WWP2: variants seen among roughly 807,000 people sequenced by gnomAD.
WWP2 encodes NEDD4-like E3 ubiquitin-protein ligase WWP2.
A neutral mutation model predicts 121.0 loss-of-function variants in WWP2; 57 were observed. The ratio of observed to expected loss-of-function variants is 0.47; its 90% CI spans 0.38 to 0.59. The LOEUF (loss-of-function observed/expected upper bound fraction) is 0.59. Ranked by LOEUF, WWP2 falls within the 20% of genes least tolerant of loss-of-function variation. The pLI, the probability that WWP2 is intolerant of heterozygous loss-of-function variation, is 0.00. For synonymous variants in WWP2, 449 were observed against 441.3 expected (o/e 1.02, Z -0.22); for missense variants, 962 against 1,158.9 (o/e 0.83, Z 2.47).
chr16:69,798,893 G>A, intron 3 of WWP2, 64 bp downstream of exon 3: 1 of 1,589,398 alleles, frequency 6.3e-7, no homozygotes, highest in Non-Finnish European at 8.6e-7. Context: ...TGCTCCGAGG[G>A]GGTTGTGGGA....
At position 69,925,353 on chromosome 16, in the gene WWP2, A is replaced by AT; in HGVS notation, c.1180-71dup. Reference sequence around the variant, plus strand: ...GTGGAAGCCAGTCATTGGCATTTTTATTTTTTATTGATTGATTGATTTTTT... The same window carrying AT: ...GTGGAAGCCAGTCATTGGCATTTTTATTTTTTTATTGATTGATTGATTTTTT... On this transcript the variant is annotated intron_variant, in intron 10 of 23. Coordinates refer to ENST00000359154, the MANE Select transcript of WWP2 (RefSeq NM_001270454.2). The surrounding 1 kb of genome is among the most constrained non-coding windows in gnomAD (Gnocchi z 4.0). The AT allele has an allele frequency of 6.3e-7, 1 of 1,583,774 alleles. No homozygotes were observed.
At chr16:69,823,625 A>C (rs1289621538) in intron 4 of WWP2, among the ~76,000 whole-genome samples, 1 of 151,640 alleles carries the variant, frequency 6.6e-6, no homozygotes, top group East Asian at 1.9e-4. Context: ...GTACCACCAC[A>C]CCTAGCTAAT....
In WWP2 at chr16:69,766,905, C is replaced by T. The variant is rs565635024; in HGVS notation, c.-16+4514C>T. Among the ~76,000 whole-genome samples the T allele has an allele frequency of 2.6e-5, 4 of 152,264 alleles. No homozygotes were observed. The South Asian group carries it at 6.2e-4, about 24-fold the overall frequency. On this transcript the variant is annotated intron_variant, in intron 1 of 23. Coordinates refer to ENST00000359154, the MANE Select transcript of WWP2 (RefSeq NM_001270454.2). ...AGTAGCTGGGATTACAGGCATCTGC[C>T]ACTATGTCCAACTAATTTTTGTATT...
intron 5 of WWP2, 113 bp from the exon 6 acceptor site, chr16:69,841,911 G>C: frequency 3.0e-6 from 3 of 988,444 alleles, no homozygotes; most frequent in Non-Finnish European, 4.6e-6. Flanking sequence ...CATATCCCGT[G>C]GTGGTGGGCA....
chr16:69,858,850 G>C (rs1003887529), intron 6 of WWP2, among the ~76,000 whole-genome samples: 2 of 152,092 alleles, frequency 1.3e-5, no homozygotes, highest in African/African-American at 2.4e-5. Flanking sequence ...AGTGATTATT[G>C]AATCTTAGGA....
At chr16:69,932,099 GCAGGTGGATCA>G (rs1213339642) in intron 16 of WWP2, among the ~76,000 whole-genome samples, 1 of 152,264 alleles carries the variant, frequency 6.6e-6, no homozygotes, top group African/African-American at 2.4e-5. Context: ...GGAGGCTGAG[GCAGGTGGATCA>G]CCTGAGGTCG....
chr16:69,793,205 T>C (rs1331512981), intron 2 of WWP2, among the ~76,000 whole-genome samples: 2 of 151,866 alleles, frequency 1.3e-5, no homozygotes, highest in African/African-American at 4.8e-5. Context: ...ACAAAAAAAT[T>C]AGCTGGGTGT....
At chr16:69,861,956 TC>T (rs1489940856) in intron 6 of WWP2, among the ~76,000 whole-genome samples, 3 of 152,206 alleles carry the variant, frequency 2.0e-5, no homozygotes, top group African/African-American at 7.2e-5. Context: ...GTTCTAGTAA[TC>T]CTAGGCAAAT....
intron 2 of WWP2, among the ~76,000 whole-genome samples, chr16:69,798,291 C>A (rs369726866): frequency 6.6e-6 from 1 of 152,170 alleles, no homozygotes; most frequent in South Asian, 2.1e-4. Context: ...GCAGTCTATT[C>A]GACAATGAAA....
intron 7 of WWP2, among the ~76,000 whole-genome samples, chr16:69,885,048 A>G (rs1446714052): frequency 6.6e-6 from 1 of 150,828 alleles, no homozygotes; most frequent in Non-Finnish European, 1.5e-5. Context: ...AGTATGTTTT[A>G]ATACTTTAGA....
At chr16:69,811,586 A>G (rs1027895167) in intron 4 of WWP2, among the ~76,000 whole-genome samples, 2 of 151,900 alleles carry the variant, frequency 1.3e-5, no homozygotes, top group African/African-American at 4.8e-5. Context: ...AGTCTCTACA[A>G]AAATAAAAAT....
chr16:69,883,276 G>A (rs564277691), intron 7 of WWP2, among the ~76,000 whole-genome samples: 35 of 152,280 alleles, frequency 2.3e-4, no homozygotes, highest in Admixed American at 1.0e-3. Flanking sequence ...CCCTGTCCCT[G>A]GTTGACCAGG....
At chr16:69,817,179 A>AT (rs2056509917) in intron 4 of WWP2, among the ~76,000 whole-genome samples, 1 of 151,846 alleles carries the variant, frequency 6.6e-6, no homozygotes, top group African/African-American at 2.4e-5. Flanking sequence ...TTGTAACTTG[A>AT]TTTTTTCACC....
intron 6 of WWP2, among the ~76,000 whole-genome samples, chr16:69,867,678 C>G (rs754863606): frequency 4.6e-5 from 7 of 152,142 alleles, no homozygotes. Context: ...TGAGAGAGGA[C>G]CTTGAGTGAG....
chr16:69,799,422 G>C lies in WWP2; in HGVS notation c.340+127G>C. On this transcript the variant is annotated intron_variant, in intron 4 of 23. Transcript: ENST00000359154. The surrounding 1 kb of genome is among the most constrained non-coding windows in gnomAD (Gnocchi z 4.5). ...AGTACCTCTGTTCTCCTTGGATGCT[G>C]TCTTTGGAGTTTTGGGAAGGCTGAG... The C allele has an allele frequency of 7.4e-7, 1 of 1,351,696 alleles. No individual in the cohort carries two copies. Among genetic ancestry groups the C allele is most frequent in the South Asian group, 1.5e-5 (1 of 66,018 alleles). The allele number at this position is 1,351,696 out of a possible 1,614,324, so 83.7% of individuals were successfully genotyped here.
intron 1 of WWP2, among the ~76,000 whole-genome samples, chr16:69,763,941 A>C (rs1439897956): frequency 6.6e-6 from 1 of 152,224 alleles, no homozygotes; most frequent in Non-Finnish European, 1.5e-5. Context: ...AACAGGCTCG[A>C]GAGAAAGGCT....
chr16:69,804,806 A>G (rs1205447043), intron 4 of WWP2, among the ~76,000 whole-genome samples: 1 of 152,188 alleles, frequency 6.6e-6, no homozygotes, highest in East Asian at 1.9e-4. Flanking sequence ...AACTCCCCAC[A>G]TAGGAACATG....
intron 6 of WWP2, among the ~76,000 whole-genome samples, chr16:69,870,415 T>A (rs1475130712): frequency 6.6e-6 from 1 of 151,862 alleles, no homozygotes; most frequent in South Asian, 2.1e-4. Context: ...ATCCTCCTAC[T>A]TCAGCCTCTT....
intron 6 of WWP2, among the ~76,000 whole-genome samples, chr16:69,857,836 A>T (rs974963140): frequency 6.6e-6 from 1 of 150,484 alleles, no homozygotes; most frequent in Non-Finnish European, 1.5e-5. Flanking sequence ...TAATTTTTAA[A>T]TTTTTTTTTG....
Sources: gnomAD v4.1 joint callset for allele counts (sites outside exome capture counted in the v4.1 genomes callset) on GRCh38, gnomAD v4.1.1 for gene constraint, Gnocchi (gnomAD v3.1) non-coding constraint, MANE v1.5 for transcripts, NCBI Gene and HGNC (gene_info 2026-07-23, HGNC 2026-07-21) for gene names.